The following NCOA2 variants were observed in gnomAD, a reference collection of about 807,000 sequenced individuals.
NCOA2 encodes the protein class E basic helix-loop-helix protein 75.
In NCOA2, 21 loss-of-function variants were observed where a neutral mutation model predicts 145.1. That is an observed-to-expected ratio of 0.14 (90% CI 0.10 to 0.21). The LOEUF (loss-of-function observed/expected upper bound fraction) is 0.21. NCOA2 is among the 10% of genes least tolerant of loss of function. The probability of loss-of-function intolerance (pLI) is 1.00; values close to 1 mark genes in which losing one functional copy is unlikely to be tolerated. For synonymous variants in NCOA2, 619 were observed against 637.5 expected, an observed-to-expected ratio of 0.97 and a Z score of 0.44; for missense variants, 1,472 against 1,837.6, an observed-to-expected ratio of 0.80 and a Z score of 3.64.
chr8:70,155,363 TAA>T (rs1476122458), intron 11 of NCOA2, among the ~76,000 whole-genome samples: 1 of 152,190 alleles, frequency 6.6e-6, no homozygotes, highest in Non-Finnish European at 1.5e-5. Context: ...ACTCTGATCT[TAA>T]AAAGAGAGAA....
At chr8:70,342,559 C>T (rs1220783697) in intron 1 of NCOA2, among the ~76,000 whole-genome samples, 1 of 151,994 alleles carries the variant, frequency 6.6e-6, no homozygotes, top group Non-Finnish European at 1.5e-5. Flanking sequence ...TCTACATCTA[C>T]AAACACATTT....
intron 1 of NCOA2, among the ~76,000 whole-genome samples, chr8:70,326,666 T>G (rs998072308): frequency 6.6e-6 from 1 of 152,094 alleles, no homozygotes; most frequent in Non-Finnish European, 1.5e-5. Context: ...TGATCCAGTG[T>G]TGAAGATTTC....
chr8:70,193,761 T>A (rs367913184), intron 4 of NCOA2, among the ~76,000 whole-genome samples: 1 of 152,178 alleles, frequency 6.6e-6, no homozygotes, highest in African/African-American at 2.4e-5. Flanking sequence ...GCCCATCTAA[T>A]GTAGACAGGC....
the NCOA2 span, among the ~76,000 whole-genome samples, chr8:70,428,583 C>T: frequency 3.3e-5 from 5 of 152,108 alleles, no homozygotes; most frequent in African/African-American, 9.7e-5. Flanking sequence ...GGGATTGCGC[C>T]ACTGCACTTT....
At chr8:70,334,140 C>CT (rs1428793225) in intron 1 of NCOA2, among the ~76,000 whole-genome samples, 4 of 152,206 alleles carry the variant, frequency 2.6e-5, no homozygotes, top group African/African-American at 9.6e-5. Flanking sequence ...ATTTTAACCC[C>CT]TATGCCTAAC....
intron 1 of NCOA2, among the ~76,000 whole-genome samples, chr8:70,327,556 C>T (rs1449461507): frequency 6.6e-6 from 1 of 152,080 alleles, no homozygotes; most frequent in Non-Finnish European, 1.5e-5. Flanking sequence ...AATCAGAATA[C>T]CAACAGACAA....
intron 5 of NCOA2, among the ~76,000 whole-genome samples, chr8:70,171,100 C>T (rs1814198624): frequency 6.6e-6 from 1 of 152,142 alleles, no homozygotes. Context: ...TCCTAAATTA[C>T]CCAAATAACA....
chr8:70,152,031 T>TAAA (rs2132110496), intron 11 of NCOA2, among the ~76,000 whole-genome samples: 1 of 152,368 alleles, frequency 6.6e-6, no homozygotes, highest in South Asian at 2.1e-4. Context: ...TCCACTTTGT[T>TAAA]AGGCACAATT....
chr8:70,441,083 G>GAA, the NCOA2 span, among the ~76,000 whole-genome samples: 3 of 141,560 alleles, frequency 2.1e-5, no homozygotes, highest in East Asian at 2.1e-4. Context: ...AAAGGAAAGA[G>GAA]AGAGGAAAGA....
At chr8:70,261,085 A>G (rs1397460490) in intron 2 of NCOA2, among the ~76,000 whole-genome samples, 1 of 152,234 alleles carries the variant, frequency 6.6e-6, no homozygotes, top group Non-Finnish European at 1.5e-5. Flanking sequence ...CATTTGACCC[A>G]GCCATCCCAT....
At chr8:70,328,752 A>AGT in intron 1 of NCOA2, among the ~76,000 whole-genome samples, 1 of 152,314 alleles carries the variant, frequency 6.6e-6, no homozygotes, top group East Asian at 1.9e-4. Flanking sequence ...CTGGTGTCAA[A>AGT]CTAGATACCT....
At chr8:70,437,671 T>C in the NCOA2 span, among the ~76,000 whole-genome samples, 21 of 152,344 alleles carry the variant, frequency 1.4e-4, no homozygotes, top group African/African-American at 5.0e-4. Flanking sequence ...TTCTCCTATA[T>C]ATTTTTTCTA....
the NCOA2 span, among the ~76,000 whole-genome samples, chr8:70,438,375 A>T: frequency 1.3e-5 from 2 of 152,098 alleles, no homozygotes; most frequent in Non-Finnish European, 2.9e-5. Flanking sequence ...TATTCATTTC[A>T]TTCTTTTTTC....
intron 4 of NCOA2, among the ~76,000 whole-genome samples, chr8:70,206,843 C>T (rs1003075545): frequency 2.6e-5 from 4 of 152,228 alleles, no homozygotes; most frequent in African/African-American, 4.8e-5. Context: ...CCTCTCCTCA[C>T]GCCCAGCCCC....
intron 4 of NCOA2, among the ~76,000 whole-genome samples, chr8:70,182,292 C>T (rs1423681621): frequency 6.6e-6 from 1 of 152,228 alleles, no homozygotes; most frequent in Non-Finnish European, 1.5e-5. Flanking sequence ...GATTTCCCTT[C>T]AGCATGAAGA....
chr8:70,400,003 G>A (rs2131790713), intron 1 of NCOA2, among the ~76,000 whole-genome samples: 1 of 152,304 alleles, frequency 6.6e-6, no homozygotes, highest in South Asian at 2.1e-4. Context: ...AGCTTGGAAA[G>A]CTTTAATAAG....
chr8:70,276,975 G>T (rs191717492), intron 2 of NCOA2, among the ~76,000 whole-genome samples: 38 of 152,292 alleles, frequency 2.5e-4, no homozygotes, highest in Non-Finnish European at 4.4e-4. Context: ...ATAATAAAGT[G>T]TAAGTATACT....
intron 1 of NCOA2, among the ~76,000 whole-genome samples, chr8:70,308,923 C>T (rs1037885458): frequency 6.6e-6 from 1 of 152,108 alleles, no homozygotes; most frequent in Middle Eastern, 3.2e-3. Context: ...GAAGTGTAAC[C>T]GCCCTTCCCC....
intron 1 of NCOA2, among the ~76,000 whole-genome samples, chr8:70,386,164 T>C (rs1430526823): frequency 2.0e-5 from 3 of 152,198 alleles, no homozygotes; most frequent in African/African-American, 7.2e-5. Flanking sequence ...ACTATATCTA[T>C]CAAAAGTCAC....
Sources: gnomAD v4.1 joint callset for allele counts (sites outside exome capture counted in the v4.1 genomes callset) on GRCh38, gnomAD v4.1.1 for gene constraint, MANE v1.5 for transcripts, NCBI Gene and HGNC (gene_info 2026-07-23, HGNC 2026-07-21) for gene names.